Variants in EYA1 observed in about 807,000 individuals in gnomAD.
EYA1 encodes protein phosphatase EYA1.
A neutral mutation model predicts 82.0 loss-of-function variants in EYA1; 16 were observed. The observed-to-expected ratio is 0.20, with a 90% CI of 0.13 to 0.30. The LOEUF (loss-of-function observed/expected upper bound fraction) is 0.30. Among genes scored for constraint, EYA1 ranks in the 10% least tolerant of loss-of-function variants. The pLI is 1.00. For missense variants in EYA1, 633 were observed against 730.7 expected (o/e 0.87, Z 1.54); for synonymous variants, 261 against 264.4 (o/e 0.99, Z 0.12).
intron 7 of EYA1, among the ~76,000 whole-genome samples, chr8:71,301,738 C>T (rs1203153811): frequency 2.0e-5 from 3 of 152,120 alleles, no homozygotes; most frequent in Non-Finnish European, 4.4e-5. Flanking sequence ...TAGTAGCCAC[C>T]ACAATTAGCC....
intron 11 of EYA1, among the ~76,000 whole-genome samples, chr8:71,245,645 C>G (rs539531181): frequency 1.3e-5 from 2 of 152,066 alleles, no homozygotes; most frequent in East Asian, 1.9e-4. Flanking sequence ...AAAGATTGGA[C>G]AGCCCTGCAC....
At chr8:71,501,604 A>G (rs1468486979) in intron 2 of EYA1, among the ~76,000 whole-genome samples, 1 of 152,232 alleles carries the variant, frequency 6.6e-6, no homozygotes, top group African/African-American at 2.4e-5. Flanking sequence ...GAAAAGTCTT[A>G]GCTCATGCAT....
chr8:71,298,903 A>T, intron 9 of EYA1, 144 bp downstream of exon 9: 1 of 693,816 alleles, frequency 1.4e-6, no homozygotes, highest in Non-Finnish European at 2.6e-6. Context: ...AATGAATGCC[A>T]CAGTCATGCT....
At chr8:71,482,385 G>T (rs1005419917) in intron 2 of EYA1, among the ~76,000 whole-genome samples, 2 of 152,190 alleles carry the variant, frequency 1.3e-5, no homozygotes, top group Non-Finnish European at 2.9e-5. Flanking sequence ...TAAAGAACTA[G>T]TATCAAGTGT....
rs76432458 is a variant in EYA1 at position 71,216,627 on chromosome 8, A to G, written c.1360+65T>C. ...TCAAAGCAGTGTGACACAAAAGTGT[A>G]CAGTACTTTTGGAATTGTATCTGGA... On this transcript the variant is annotated intron_variant, in intron 14 of 17. Coordinates refer to ENST00000340726, the MANE Select transcript of EYA1 (RefSeq NM_000503.6). 1.1e-4 allele frequency: 168 copies of G among 1,483,708 alleles called. No individual in the cohort carries two copies. The East Asian group carries it at 2.4e-3, about 21-fold the overall frequency. The allele number at this position is 1,483,708 out of a possible 1,614,324, so 91.9% of individuals were successfully genotyped here.
At chr8:71,333,799 G>A (rs1824166984) in intron 4 of EYA1, among the ~76,000 whole-genome samples, 1 of 152,286 alleles carries the variant, frequency 6.6e-6, no homozygotes, top group African/African-American at 2.4e-5. Flanking sequence ...GAGAACGGGG[G>A]AGGAGTCACC....
At chr8:71,415,681 T>C (rs1830816118) in intron 2 of EYA1, among the ~76,000 whole-genome samples, 1 of 152,176 alleles carries the variant, frequency 6.6e-6, no homozygotes, top group Non-Finnish European at 1.5e-5. Flanking sequence ...ACATAAGCTA[T>C]AGCTTTAGCT....
intron 2 of EYA1, among the ~76,000 whole-genome samples, chr8:71,378,604 A>T (rs567907314): frequency 2.6e-5 from 4 of 152,234 alleles, no homozygotes; most frequent in South Asian, 2.1e-4. Flanking sequence ...TATGGGTTAT[A>T]CTTCACAATA....
chr8:71,389,303 A>G (rs2129107822), intron 2 of EYA1, among the ~76,000 whole-genome samples: 1 of 152,182 alleles, frequency 6.6e-6, no homozygotes, highest in South Asian at 2.1e-4. Context: ...TATTTGTTAA[A>G]TGATATTTAT....
chr8:71,441,903 C>T (rs1258764564), intron 2 of EYA1, among the ~76,000 whole-genome samples: 2 of 152,130 alleles, frequency 1.3e-5, no homozygotes, highest in Non-Finnish European at 2.9e-5. Context: ...CATGAGATAT[C>T]TCTGTTTCTG....
At chr8:71,528,668 A>T (rs138398203) in intron 2 of EYA1, among the ~76,000 whole-genome samples, 24 of 152,316 alleles carry the variant, frequency 1.6e-4, no homozygotes, top group Admixed American at 4.6e-4. Context: ...TCATTCCCCC[A>T]GTCAAATACA....
At position 71,425,113 on chromosome 8, in the gene EYA1, A is replaced by AAG. The variant is rs1484609935; in HGVS notation, c.34-68603_34-68602insCT. Among the ~76,000 whole-genome samples, 3 of 148,238 alleles carry AAG rather than the reference A, an allele frequency of 2.0e-5. No individual in the cohort carries two copies. The East Asian group carries it at 5.9e-4, about 29-fold the overall frequency. ...GTCTCCACTAAAAATACAAAAAAAA[A>AAG]AAAAAAAAAAAAAAAATCAATGAGC... On this transcript the variant is annotated intron_variant, in intron 2 of 18. Transcript: ENST00000643681.
chr8:71,371,077 A>G (rs1828054415), intron 2 of EYA1, among the ~76,000 whole-genome samples: 1 of 152,188 alleles, frequency 6.6e-6, no homozygotes, highest in Admixed American at 6.5e-5. Context: ...CATCCCCAAC[A>G]TTTTAGCAAT....
intron 11 of EYA1, among the ~76,000 whole-genome samples, chr8:71,247,154 A>G (rs569416563): frequency 6.6e-6 from 1 of 150,972 alleles, no homozygotes; most frequent in South Asian, 2.1e-4. Flanking sequence ...CCCCCTTAGC[A>G]CTACCCACAC....
At position 71,199,271 on chromosome 8, in the gene EYA1, G is replaced by A. The variant is rs1328014007; in HGVS notation, c.*69C>T. ...AAGTTCTGGAGGCCGGCGCTGATGC[G>A]AGACTGGGGCCTGCTGGATCTGTCC... is the stretch of plus-strand genomic sequence containing the variant. On this transcript the variant is annotated 3_prime_UTR_variant, in exon 18 of 18. Transcript: ENST00000340726. 1.3e-5 allele frequency: 16 copies of A among 1,188,574 alleles called. No individual in the cohort carries two copies. The highest frequency in any genetic ancestry group is 3.7e-5 in the Admixed American group (2 of 53,826). 73.6% of individuals were successfully genotyped at this position (1,188,574 alleles called of 1,614,324 possible).
chr8:71,367,775 G>A (rs550905236), intron 2 of EYA1, among the ~76,000 whole-genome samples: 191 of 152,294 alleles, frequency 1.3e-3, no homozygotes, highest in African/African-American at 4.5e-3. Context: ...GCTTGCAAGC[G>A]ATCAAATTGC....
At chr8:71,292,570 C>T (rs1402745704) in intron 9 of EYA1, among the ~76,000 whole-genome samples, 1 of 151,922 alleles carries the variant, frequency 6.6e-6, no homozygotes, top group East Asian at 1.9e-4. Context: ...AAGAGAAAGC[C>T]ATTTAATCTG....
At chr8:71,207,522 A>G (rs1445068728) in intron 17 of EYA1, among the ~76,000 whole-genome samples, 2 of 152,216 alleles carry the variant, frequency 1.3e-5, no homozygotes, top group Admixed American at 6.5e-5. Flanking sequence ...TGCAGCAGAT[A>G]TTTTTGGACT....
intron 16 of EYA1, among the ~76,000 whole-genome samples, chr8:71,213,574 G>A (rs574634094): frequency 7.9e-4 from 121 of 152,266 alleles, no homozygotes; most frequent in Non-Finnish European, 9.1e-4. Context: ...TATATTTCTT[G>A]CTTTTTGATA....
Sources: gnomAD v4.1 joint callset for allele counts (sites outside exome capture counted in the v4.1 genomes callset) on GRCh38, gnomAD v4.1.1 for gene constraint, MANE v1.5 for transcripts, NCBI Gene and HGNC (gene_info 2026-07-23, HGNC 2026-07-21) for gene names.